The following TMEM161B variants were observed in gnomAD, a reference collection of about 807,000 sequenced individuals.
TMEM161B encodes transmembrane protein 161B.
TMEM161B carries 34 observed loss-of-function variants against 61.8 expected under a neutral mutation model. The observed-to-expected ratio is 0.55, with a 90% CI of 0.42 to 0.73. The LOEUF (loss-of-function observed/expected upper bound fraction) is 0.73, where lower values mean the gene tolerates loss of function less well. TMEM161B is among the 30% of genes least tolerant of loss of function. TMEM161B has a pLI of 0.00. For missense variants in TMEM161B, 456 were observed against 558.5 expected, an observed-to-expected ratio of 0.82 and a Z score of 1.85; for synonymous variants, 167 against 192.8, an observed-to-expected ratio of 0.87 and a Z score of 1.11.
rs1248630722 is a variant in TMEM161B, at chr5:88,195,110, C to T, written c.*1101G>A. The T allele has an allele frequency of 2.0e-6, 2 of 981,872 alleles. No individual in the cohort carries two copies. The highest frequency in any genetic ancestry group is 1.2e-6 in the Non-Finnish European group (1 of 826,678). 60.8% of individuals were successfully genotyped at this position (981,872 alleles called of 1,614,324 possible). On this transcript the variant is annotated 3_prime_UTR_variant, in exon 12 of 12. Coordinates refer to ENST00000296595, the MANE Select transcript of TMEM161B (RefSeq NM_153354.5). Reference sequence around the variant, plus strand: ...GAAAGATTCTGATTTTTGGAAATGACAGAAAAAGAATTTTAATTTGGGAGA... The same window carrying T: ...GAAAGATTCTGATTTTTGGAAATGATAGAAAAAGAATTTTAATTTGGGAGA...
chr5:88,191,314 C>T (rs565299653), downstream of TMEM161B, among the ~76,000 whole-genome samples: 1 of 152,300 alleles, frequency 6.6e-6, no homozygotes, highest in South Asian at 2.1e-4. Context: ...ACCAGCTCAA[C>T]AACAATACAC....
intron 5 of TMEM161B, among the ~76,000 whole-genome samples, chr5:88,209,906 A>G (rs1398218542): frequency 1.3e-5 from 2 of 152,190 alleles, no homozygotes; most frequent in African/African-American, 2.4e-5. Flanking sequence ...CAAAAGCTCC[A>G]TATCTTTCAT....
chr5:88,200,435 CT>C (rs1018281115), intron 9 of TMEM161B: 1 of 152,054 alleles, frequency 6.6e-6, no homozygotes, highest in African/African-American at 2.4e-5. Flanking sequence ...ATAAACAATA[CT>C]GTGCTCCCTC....
chr5:88,237,172 A>T (rs1414472742), intron 2 of TMEM161B, among the ~76,000 whole-genome samples: 1 of 152,166 alleles, frequency 6.6e-6, no homozygotes, highest in Non-Finnish European at 1.5e-5. Context: ...GCAGAAAGTA[A>T]CTAGGTACTC....
At chr5:88,194,459 G>A (rs1331067630), downstream of TMEM161B, among the ~76,000 whole-genome samples, 2 of 152,054 alleles carry the variant, frequency 1.3e-5, no homozygotes, top group African/African-American at 4.8e-5. Context: ...TAACAGATGA[G>A]TGCAGGTCTC....
At chr5:88,240,436 C>T (rs989310633) in intron 2 of TMEM161B, among the ~76,000 whole-genome samples, 6 of 151,806 alleles carry the variant, frequency 4.0e-5, no homozygotes, top group African/African-American at 1.5e-4. Context: ...TCAGTGCCCA[C>T]AGACCGAAAA....
Position 88,228,541 on chromosome 5 carries a change from A to G in TMEM161B, c.108-13T>C, listed in dbSNP as rs751233155. The G allele has an allele frequency of 3.2e-6, 5 of 1,568,402 alleles. No individual in the cohort carries two copies. The highest frequency in any genetic ancestry group is 4.3e-6 in the Non-Finnish European group (5 of 1,158,256). Reference sequence around the variant, plus strand: ...ATACCACCTCAAACTAAGCAAAAAAAGAATTCTTTTAAATAAAGCGCTTAA... The same window carrying G: ...ATACCACCTCAAACTAAGCAAAAAAGGAATTCTTTTAAATAAAGCGCTTAA... On this transcript the variant is annotated splice_polypyrimidine_tract_variant and intron_variant, in intron 2 of 11. Coordinates refer to ENST00000296595, the MANE Select transcript of TMEM161B (RefSeq NM_153354.5).
chr5:88,195,998 C>A lies in TMEM161B; in HGVS notation c.*213G>T, dbSNP rs2112315759. 8 of 1,303,676 alleles carry A rather than the reference C, an allele frequency of 6.1e-6. No individual in the cohort carries two copies. The East Asian group carries it at 2.3e-4, about 37-fold the overall frequency. The allele number at this position is 1,303,676 out of a possible 1,614,324, so 80.8% of individuals were successfully genotyped here. On this transcript the variant is annotated 3_prime_UTR_variant, in exon 12 of 12. Coordinates refer to ENST00000296595, the MANE Select transcript of TMEM161B (RefSeq NM_153354.5). The stretch of plus-strand genomic sequence containing the variant: ...ATACAAAGAGTTAAAATTCCAATGC[C>A]ACAGTGTAACAGTTAACAATCTATT...
chr5:88,194,193 A>G (rs1414106460), downstream of TMEM161B, among the ~76,000 whole-genome samples: 3 of 151,834 alleles, frequency 2.0e-5, no homozygotes, highest in Non-Finnish European at 4.4e-5. Flanking sequence ...TTCCATTTTT[A>G]TTTCCATGAG....
chr5:88,189,770 G>A, exon 13 of TMEM161B: 1 of 333,550 alleles, frequency 3.0e-6, no homozygotes, highest in Non-Finnish European at 5.6e-6. Context: ...TTTTATAAGG[G>A]GAATATCCTG....
intron 11 of TMEM161B, among the ~76,000 whole-genome samples, chr5:88,197,217 G>T (rs1317742504): frequency 6.6e-6 from 1 of 152,262 alleles, no homozygotes; most frequent in African/African-American, 2.4e-5. Context: ...TTAGTGAAGA[G>T]ACTTGTAGAA....
intron 5 of TMEM161B, among the ~76,000 whole-genome samples, chr5:88,214,857 T>C (rs569631727): frequency 6.6e-4 from 101 of 152,324 alleles, no homozygotes; most frequent in Non-Finnish European, 1.1e-3. Context: ...CTGTGATGGC[T>C]GAGATGCATG....
intron 5 of TMEM161B, among the ~76,000 whole-genome samples, chr5:88,211,895 T>C (rs1433856574): frequency 6.6e-6 from 1 of 151,718 alleles, no homozygotes; most frequent in Non-Finnish European, 1.5e-5. Context: ...GAAGAAATTC[T>C]CAAAGACATA....
intron 2 of TMEM161B, among the ~76,000 whole-genome samples, chr5:88,235,180 A>G (rs1751638323): frequency 6.6e-6 from 1 of 152,208 alleles, no homozygotes. Flanking sequence ...GTCCTGACCT[A>G]GACTTTATTT....
intron 10 of TMEM161B, chr5:88,198,385 G>A (rs1013198414): frequency 1.3e-5 from 2 of 152,002 alleles, no homozygotes; most frequent in African/African-American, 4.8e-5. Context: ...TTGAGCCCAG[G>A]AGTTCAAGAC....
intron 7 of TMEM161B, 57 bp from the exon 8 acceptor site, chr5:88,206,011 TTTC>T (rs749447459): frequency 9.3e-6 from 12 of 1,296,758 alleles, no homozygotes; most frequent in South Asian, 1.4e-5. Flanking sequence ...TTTTGAAGAA[TTTC>T]TTTTCTTCTA....
At chr5:88,257,193 G>A (rs1431669582) in intron 1 of TMEM161B, among the ~76,000 whole-genome samples, 1 of 152,074 alleles carries the variant, frequency 6.6e-6, no homozygotes, top group Non-Finnish European at 1.5e-5. Context: ...CGCAAGACTG[G>A]GAGGGGAGGT....
At chr5:88,222,467 C>T (rs1001926811) in intron 4 of TMEM161B, among the ~76,000 whole-genome samples, 1 of 152,060 alleles carries the variant, frequency 6.6e-6, no homozygotes, top group Admixed American at 6.6e-5. Flanking sequence ...ATCCCTTCCC[C>T]CTGCTAAGAA....
rs771333500 is a variant in TMEM161B at position 88,228,471 on chromosome 5, T to A, written c.165A>T (p.Gln55His). ...EEELRILAGK[Q>H]QKGKTKKDRK... The stretch of plus-strand genomic sequence containing the variant: ...TATCTTTTTTGGTTTTCCCTTTTTG[T>A]TGTTTCCCTGCAAGAATTCTTAATT... The change falls in exon 3 of 12, where the codon CAA becomes CAT. Residue 55 changes from glutamine to histidine, a missense_variant. By Grantham distance (24) the Gln-to-His change is conservative. Around this residue, in one of 3 missense-constraint regions of TMEM161B, gnomAD observed 85 missense variants for 111.2 expected, o/e 0.76. Transcript: ENST00000296595. 6.2e-7 allele frequency: 1 copy of A among 1,609,004 alleles called. No homozygotes were observed. The highest frequency in any genetic ancestry group is 8.5e-7 in the Non-Finnish European group (1 of 1,178,478).
Sources: allele counts gnomAD v4.1 joint callset (sites outside exome capture counted in the v4.1 genomes callset), GRCh38; gene constraint gnomAD v4.1.1; regional missense constraint gnomAD v4.1.1; transcripts MANE v1.5; gene names NCBI Gene and HGNC (gene_info 2026-07-23, HGNC 2026-07-21).